Variants in GLRA1 observed in about 807,000 individuals in gnomAD.
GLRA1 encodes glycine receptor subunit alpha-1.
Under a neutral mutation model 48.3 loss-of-function variants are expected in GLRA1, and 37 were observed. The ratio of observed to expected loss-of-function variants is 0.77; its 90% CI spans 0.59 to 1.01. GLRA1 has a LOEUF of 1.01. Among genes scored for constraint, GLRA1 ranks in the 50% least tolerant of loss-of-function variants. GLRA1 has a pLI of 0.00. For missense variants in GLRA1, 427 were observed against 571.0 expected (o/e 0.75, Z 2.57); for synonymous variants, 196 against 210.7 (o/e 0.93, Z 0.60).
chr5:151,902,234 A>G (rs1479629947), intron 1 of GLRA1, among the ~76,000 whole-genome samples: 2 of 152,088 alleles, frequency 1.3e-5, no homozygotes, highest in African/African-American at 2.4e-5. Flanking sequence ...AGGTGATGAC[A>G]CTGAGGCTCG....
At chr5:151,860,061 C>G in intron 3 of GLRA1, 53 bp from the exon 4 acceptor site, 1 of 1,390,800 alleles carries the variant, frequency 7.2e-7, no homozygotes, top group Non-Finnish European at 1.0e-6. Context: ...AGGACATCAA[C>G]TTTTGGAGGA....
chr5:151,851,870 T>C (rs1752922407), intron 6 of GLRA1, among the ~76,000 whole-genome samples: 1 of 152,212 alleles, frequency 6.6e-6, no homozygotes, highest in Non-Finnish European at 1.5e-5. Flanking sequence ...TCCTCATACA[T>C]TGTAAATGTT....
chr5:151,865,137 AGTGCC>A (rs1753299310), intron 3 of GLRA1, among the ~76,000 whole-genome samples: 1 of 152,206 alleles, frequency 6.6e-6, no homozygotes, highest in Admixed American at 6.5e-5. Flanking sequence ...AGCTCTCTTA[AGTGCC>A]AGATACTATT....
At chr5:151,890,905 C>A (rs778484045) in intron 2 of GLRA1, among the ~76,000 whole-genome samples, 1 of 144,832 alleles carries the variant, frequency 6.9e-6, no homozygotes, top group Non-Finnish European at 1.6e-5. Flanking sequence ...GTGAAGGAGC[C>A]TCAAGGTAAA....
chr5:151,889,606 C>T (rs1040328121), intron 2 of GLRA1, among the ~76,000 whole-genome samples: 1 of 152,212 alleles, frequency 6.6e-6, no homozygotes, highest in African/African-American at 2.4e-5. Context: ...GGGAAAATTT[C>T]TAGCACCTAA....
intron 1 of GLRA1, among the ~76,000 whole-genome samples, chr5:151,904,231 A>T (rs577759649): frequency 6.6e-6 from 1 of 152,034 alleles, no homozygotes; most frequent in South Asian, 2.1e-4. Flanking sequence ...TCTTCTTGGG[A>T]TTTCTGTCCT....
chr5:151,826,027 C>T (rs1233257181), intron 8 of GLRA1, among the ~76,000 whole-genome samples: 6 of 152,118 alleles, frequency 3.9e-5, no homozygotes, highest in Non-Finnish European at 8.8e-5. Context: ...ACTTAAGAGC[C>T]CTTATGAATG....
intron 1 of GLRA1, among the ~76,000 whole-genome samples, chr5:151,903,165 G>A (rs926114471): frequency 9.9e-5 from 15 of 152,208 alleles, no homozygotes; most frequent in Non-Finnish European, 1.9e-4. Flanking sequence ...TCATAGGAGT[G>A]GAGCTGGGAT....
intron 3 of GLRA1, among the ~76,000 whole-genome samples, chr5:151,867,601 A>G (rs1753370657): frequency 6.6e-6 from 1 of 152,208 alleles, no homozygotes; most frequent in African/African-American, 2.4e-5. Flanking sequence ...TAAGCATGCC[A>G]TACATGTCAG....
At chr5:151,850,641 T>TACACATTCCCTGG (rs1471131372) in intron 7 of GLRA1, 3 of 1,434,716 alleles carry the variant, frequency 2.1e-6, no homozygotes, top group East Asian at 4.6e-5. Flanking sequence ...AGTGCCAACA[T>TACACATTCCCTGG]ACACATTCCC....
chr5:151,844,636 A>AAAAAG (rs1554083040), intron 7 of GLRA1, among the ~76,000 whole-genome samples: 5 of 147,788 alleles, frequency 3.4e-5, no homozygotes, highest in Admixed American at 6.7e-5. Context: ...AAAAAAAAAA[A>AAAAAG]AAAAAGAAAA....
Position 151,822,731 on chromosome 5 carries a change from T to C in GLRA1, c.1292A>G (p.Asn431Ser), listed in dbSNP as rs780883216. Reference sequence around the variant, plus strand: ...CTTGTAGATGATCCAGTAGAACATGTTGAAAATGAGGAAGGCCATGGGGAA... The same window carrying C: ...CTTGTAGATGATCCAGTAGAACATGCTGAAAATGAGGAAGGCCATGGGGAA... ...IGFPMAFLIFNMFYWIIYKIV... is the reference protein window; with the variant it reads ...IGFPMAFLIFSMFYWIIYKIV... Residue 431 changes from asparagine to serine, a missense_variant, in exon 9 of 9, where the codon AAC becomes AGC. Physicochemically the swap from Asn to Ser is conservative, Grantham distance 46. Around this residue, in one of 4 missense-constraint regions of GLRA1, gnomAD observed 121 missense variants for 96.5 expected, o/e 1.25. Coordinates refer to ENST00000274576, the MANE Select transcript of GLRA1 (RefSeq NM_000171.4). 5.0e-6 allele frequency: 8 copies of C among 1,613,896 alleles called. No individual in the cohort carries two copies. The South Asian group carries it at 8.8e-5, about 18-fold the overall frequency.
At chr5:151,855,259 C>T in intron 5 of GLRA1, 82 bp from the exon 6 acceptor site, 1 of 1,345,824 alleles carries the variant, frequency 7.4e-7, no homozygotes, top group Non-Finnish European at 1.1e-6. Context: ...GGGTTAGAGA[C>T]TGAGAGAGAC....
chr5:151,888,049 T>C (rs1753959071), intron 2 of GLRA1, among the ~76,000 whole-genome samples: 1 of 152,244 alleles, frequency 6.6e-6, no homozygotes, highest in Admixed American at 6.5e-5. Context: ...CAGGGCAGAA[T>C]TCTTGTTCCT....
At chr5:151,886,671 G>T (rs1259891839) in intron 3 of GLRA1, 50 bp downstream of exon 3, 1 of 1,298,110 alleles carries the variant, frequency 7.7e-7, no homozygotes, top group African/African-American at 1.4e-5. Flanking sequence ...AATATTTCAT[G>T]GAGAGATATC....
At chr5:151,825,961 CTATTCTT>C (rs1194696797) in intron 8 of GLRA1, among the ~76,000 whole-genome samples, 1 of 152,202 alleles carries the variant, frequency 6.6e-6, no homozygotes, top group Non-Finnish European at 1.5e-5. Flanking sequence ...TCTAAGGAAA[CTATTCTT>C]TATGGTGAGC....
rs202218874 is a variant in GLRA1 at position 151,844,621 on chromosome 5, C to CAAA, written c.912+6766_912+6768dup. On this transcript the variant is annotated intron_variant, in intron 7 of 8. Coordinates refer to ENST00000274576, the MANE Select transcript of GLRA1 (RefSeq NM_000171.4). ...TGGGTGACAGAGTAGTACTCTATCT[C>CAAA]AAAAAAAAAAAAAAAAAAAAGAAAA... Among the ~76,000 whole-genome samples the CAAA allele has an allele frequency of 3.0e-4, 15 of 49,736 alleles. 1 individual carries two copies. The highest frequency in any genetic ancestry group is 3.4e-4 in the Non-Finnish European group (9 of 26,384). The allele number at this position is 49,736 out of a possible 152,430, so 32.6% of individuals were successfully genotyped here.
intron 1 of GLRA1, among the ~76,000 whole-genome samples, chr5:151,895,961 C>T (rs1754217557): frequency 6.6e-6 from 1 of 152,160 alleles, no homozygotes; most frequent in Admixed American, 6.5e-5. Flanking sequence ...AGCCCCTCCT[C>T]TCTGATAATA....
intron 2 of GLRA1, among the ~76,000 whole-genome samples, chr5:151,889,336 A>T (rs1395933436): frequency 6.6e-6 from 1 of 152,248 alleles, no homozygotes; most frequent in Non-Finnish European, 1.5e-5. Flanking sequence ...GAGCCATTAT[A>T]ATACACAAAG....
Sources: allele counts gnomAD v4.1 joint callset (sites outside exome capture counted in the v4.1 genomes callset), GRCh38; gene constraint gnomAD v4.1.1; regional missense constraint gnomAD v4.1.1; transcripts MANE v1.5; gene names NCBI Gene and HGNC (gene_info 2026-07-23, HGNC 2026-07-21).